Variants in FMNL2 observed in about 807,000 individuals in gnomAD.
FMNL2 encodes formin like 2.
In FMNL2, 51 loss-of-function variants were observed where a neutral mutation model predicts 130.2. That is an observed-to-expected ratio of 0.39 (90% CI 0.31 to 0.49). The LOEUF is 0.49. FMNL2 is among the 20% of genes least tolerant of loss of function. The probability of loss-of-function intolerance (pLI) is 0.85; values close to 1 mark genes in which losing one functional copy is unlikely to be tolerated. For synonymous variants in FMNL2, 465 were observed against 467.1 expected (o/e 1.00, Z 0.06); for missense variants, 977 against 1,316.2 (o/e 0.74, Z 3.99).
At chr2:152,525,268 C>T (rs993611778) in intron 2 of FMNL2, among the ~76,000 whole-genome samples, 1 of 152,206 alleles carries the variant, frequency 6.6e-6, no homozygotes, top group Non-Finnish European at 1.5e-5. Flanking sequence ...GGGGTGCCTA[C>T]AGAACTTACA....
chr2:152,433,826 A>G (rs983890614), intron 1 of FMNL2, among the ~76,000 whole-genome samples: 4 of 152,156 alleles, frequency 2.6e-5, no homozygotes, highest in East Asian at 1.9e-4. Flanking sequence ...ATTGGCCCCA[A>G]CCTTCTAAAG....
chr2:152,539,858 A>C (rs1694204250), intron 2 of FMNL2, among the ~76,000 whole-genome samples: 3 of 152,176 alleles, frequency 2.0e-5, no homozygotes, highest in Admixed American at 2.0e-4. Context: ...TACTCCACCA[A>C]ATTTTATTAT....
At chr2:152,614,719 G>C (rs1322713996) in intron 11 of FMNL2, 132 bp from the exon 12 acceptor site, 1 of 755,712 alleles carries the variant, frequency 1.3e-6, no homozygotes. Context: ...CTCCAGCCTG[G>C]GTGACAGAGT....
At chr2:152,500,679 TTC>T (rs1375398079) in intron 1 of FMNL2, among the ~76,000 whole-genome samples, 2 of 152,110 alleles carry the variant, frequency 1.3e-5, no homozygotes, top group African/African-American at 4.8e-5. Flanking sequence ...GAAACCCTGT[TTC>T]TACTAAAAAT....
intron 9 of FMNL2, among the ~76,000 whole-genome samples, chr2:152,591,251 C>T (rs562724428): frequency 9.9e-5 from 15 of 151,996 alleles, no homozygotes; most frequent in Non-Finnish European, 1.8e-4. Context: ...CTTCGTGATC[C>T]GCCCACCTTG....
intron 1 of FMNL2, among the ~76,000 whole-genome samples, chr2:152,357,856 T>A (rs1423289625): frequency 6.6e-6 from 1 of 152,220 alleles, no homozygotes; most frequent in Non-Finnish European, 1.5e-5. Flanking sequence ...GGTGACTTTA[T>A]AGACCATAAC....
intron 1 of FMNL2, among the ~76,000 whole-genome samples, chr2:152,371,264 T>C (rs763898976): frequency 2.6e-5 from 4 of 152,230 alleles, no homozygotes; most frequent in Admixed American, 6.5e-5. Context: ...GCTAGGATCA[T>C]TGGAGGCTGG....
intron 1 of FMNL2, among the ~76,000 whole-genome samples, chr2:152,375,877 C>CTCTCTCTCTCTCTCTCTCTCTATATATA (rs796954245): frequency 8.9e-6 from 1 of 112,482 alleles, no homozygotes; most frequent in African/African-American, 3.5e-5. Flanking sequence ...CTCTCTCTCT[C>CTCTCTCTCTCTCTCTCTCTCTATATATA]TATATATATA....
chr2:152,466,611 A>G (rs1203901514), intron 1 of FMNL2, among the ~76,000 whole-genome samples: 1 of 152,232 alleles, frequency 6.6e-6, no homozygotes, highest in Non-Finnish European at 1.5e-5. Flanking sequence ...CTCATGAAAC[A>G]AAAATGGCAA....
chr2:152,579,954 G>A (rs909938712), intron 8 of FMNL2, among the ~76,000 whole-genome samples: 1 of 152,132 alleles, frequency 6.6e-6, no homozygotes, highest in Non-Finnish European at 1.5e-5. Flanking sequence ...TCAAAAATCT[G>A]TTTATAAATT....
At chr2:152,545,706 A>G (rs752063847) in intron 3 of FMNL2, among the ~76,000 whole-genome samples, 34 of 152,304 alleles carry the variant, frequency 2.2e-4, no homozygotes, top group Admixed American at 1.2e-3. Context: ...AAGGGAGAAT[A>G]GTACAGACTG....
chr2:152,371,668 C>CA (rs71394476), intron 1 of FMNL2, among the ~76,000 whole-genome samples: 8,629 of 65,538 alleles, frequency 0.13, 1,037 homozygotes, highest in East Asian at 0.65. Context: ...GACTCTGTCT[C>CA]AAAAAAAAAA....
At chr2:152,590,427 G>A (rs960913473) in intron 9 of FMNL2, among the ~76,000 whole-genome samples, 1 of 152,054 alleles carries the variant, frequency 6.6e-6, no homozygotes, top group Non-Finnish European at 1.5e-5. Flanking sequence ...AGACCAGCCT[G>A]GCCAAGATGG....
rs1683727232 is a variant in FMNL2 at position 152,647,798 on chromosome 2, C to G, written c.3172C>G (p.Leu1058Val). 6.2e-7 allele frequency: 1 copy of G among 1,613,774 alleles called. No individual in the cohort carries two copies. Among genetic ancestry groups the G allele is most frequent in the Admixed American group, 1.7e-5 (1 of 59,994 alleles). Reference sequence around the variant, plus strand: ...CACTGGCACTCTCCCCTTTACAGATCTTAGAAACCAACCATACAGACGAGC... The same window carrying G: ...CACTGGCACTCTCCCCTTTACAGATGTTAGAAACCAACCATACAGACGAGC... ...DGAIEDIITD[L>V]RNQPYRRADA... Residue 1058 changes from leucine (L) to valine (V), a missense_variant and splice_region_variant, in exon 26 of 26, where the codon CTT becomes GTT. Coordinates refer to ENST00000288670, the MANE Select transcript of FMNL2 (RefSeq NM_052905.4).
At chr2:152,541,970 C>T (rs981257385) in intron 2 of FMNL2, among the ~76,000 whole-genome samples, 4 of 152,128 alleles carry the variant, frequency 2.6e-5, no homozygotes, top group African/African-American at 9.7e-5. Flanking sequence ...AAACCTGATA[C>T]ACGTGGCATG....
At chr2:152,429,240 A>G (rs1687361056) in intron 1 of FMNL2, among the ~76,000 whole-genome samples, 1 of 151,702 alleles carries the variant, frequency 6.6e-6, no homozygotes, top group African/African-American at 2.4e-5. Context: ...AAAAAGAAAG[A>G]AAATGGTTAA....
rs772935480 is a variant in FMNL2, at chr2:152,626,637, C to T, written c.2075C>T (p.Thr692Ile). 1 of 1,613,128 alleles carries T rather than the reference C, an allele frequency of 6.2e-7. No individual in the cohort carries two copies. Residue 692 changes from threonine (T) to isoleucine (I), a missense_variant, in exon 17 of 26, where the codon ACA becomes ATA. Thr to Ile is a moderately conservative substitution (Grantham distance 89). This residue lies in a region of FMNL2 where 689 missense variants were observed against 995.9 expected (regional missense o/e 0.69). Transcript: ENST00000288670. ...KIPQKGSNKV[T>I]LLEANRAKNL... Reference sequence around the variant, plus strand: ...CCACAGAAGGGATCAAACAAAGTGACATTACTAGAAGCAAACAGGGCCAAA... The same window carrying T: ...CCACAGAAGGGATCAAACAAAGTGATATTACTAGAAGCAAACAGGGCCAAA...
intron 1 of FMNL2, among the ~76,000 whole-genome samples, chr2:152,464,582 G>A (rs1270376816): frequency 6.6e-6 from 1 of 152,214 alleles, no homozygotes; most frequent in Non-Finnish European, 1.5e-5. Context: ...ATGAGCTTTT[G>A]TAATTTCCAT....
chr2:152,349,326 G>A (rs1013145781), intron 1 of FMNL2, among the ~76,000 whole-genome samples: 6 of 152,114 alleles, frequency 3.9e-5, no homozygotes, highest in Non-Finnish European at 7.3e-5. Context: ...ATGCATTATC[G>A]TTGATGCTCA....
Sources: gnomAD v4.1 joint callset for allele counts (sites outside exome capture counted in the v4.1 genomes callset) on GRCh38, gnomAD v4.1.1 for gene constraint, gnomAD v4.1.1 regional missense constraint, MANE v1.5 for transcripts, NCBI Gene and HGNC (gene_info 2026-07-23, HGNC 2026-07-21) for gene names.